ASB4: variants seen among roughly 807,000 people sequenced by gnomAD.
ASB4 encodes the protein ankyrin repeat and SOCS box containing 4, also known as ankyrin repeat and SOCS box protein 4.
In ASB4, 35 loss-of-function variants were observed where a neutral mutation model predicts 38.6. The observed-to-expected ratio is 0.91, with a 90% CI of 0.69 to 1.20. The LOEUF (loss-of-function observed/expected upper bound fraction) is 1.20. ASB4 is among the 50% of genes most tolerant of loss of function. The probability of loss-of-function intolerance (pLI) is 0.00; values close to 1 mark genes in which losing one functional copy is unlikely to be tolerated. For synonymous variants in ASB4, 195 were observed against 201.3 expected (o/e 0.97, Z 0.26); for missense variants, 557 against 527.2 (o/e 1.06, Z -0.55).
chr7:95,503,706 G>A (rs1185085049), intron 2 of ASB4, among the ~76,000 whole-genome samples: 3 of 152,186 alleles, frequency 2.0e-5, no homozygotes, highest in Admixed American at 6.5e-5. Flanking sequence ...AGGAAAATAC[G>A]TCAGGCTAAC....
intron 1 of ASB4, among the ~76,000 whole-genome samples, chr7:95,494,114 T>C (rs1197550033): frequency 6.6e-6 from 1 of 152,196 alleles, no homozygotes; most frequent in African/African-American, 2.4e-5. Context: ...GTGTTTATGC[T>C]TATAGGATAA....
downstream of ASB4, among the ~76,000 whole-genome samples, chr7:95,541,496 G>A (rs1790970282): frequency 6.6e-6 from 1 of 152,150 alleles, no homozygotes; most frequent in Admixed American, 6.5e-5. Context: ...AGCTTGTACT[G>A]TGTCAGGACT....
Position 95,519,817 on chromosome 7 carries a change from T to A in ASB4, c.488-7996T>A, listed in dbSNP as rs1790635294. 2.0e-5 allele frequency among the ~76,000 whole-genome samples: 3 copies of A among 152,054 alleles called. No homozygotes were observed. The South Asian group carries it at 6.2e-4, about 32-fold the overall frequency. On this transcript the variant is annotated intron_variant, in intron 2 of 4. Transcript: ENST00000325885. ...TGTTTTAAGTCATGCATTTGAGGACTGGAGTTAAAAATTTTGAGAGGGGAT... is the reference window on the plus strand; with the variant it reads ...TGTTTTAAGTCATGCATTTGAGGACAGGAGTTAAAAATTTTGAGAGGGGAT...
intron 3 of ASB4, among the ~76,000 whole-genome samples, chr7:95,530,857 A>G (rs1193806132): frequency 1.3e-5 from 2 of 152,168 alleles, no homozygotes; most frequent in Non-Finnish European, 2.9e-5. Context: ...CAAATTTGCA[A>G]TAATTTAGAT....
At chr7:95,503,033 T>C (rs1281276579) in intron 2 of ASB4, among the ~76,000 whole-genome samples, 1 of 152,218 alleles carries the variant, frequency 6.6e-6, no homozygotes, top group African/African-American at 2.4e-5. Flanking sequence ...TGGGACAGTA[T>C]GGACTGTATA....
chr7:95,551,041 T>G, the ASB4 span, among the ~76,000 whole-genome samples: 1 of 152,178 alleles, frequency 6.6e-6, no homozygotes, highest in African/African-American at 2.4e-5. Context: ...AGTGCAATGG[T>G]GTGATCTTGG....
chr7:95,486,116 G>A lies in ASB4; in HGVS notation c.145G>A (p.Glu49Lys). The A allele has an allele frequency of 6.2e-7, 1 of 1,614,120 alleles. No individual in the cohort carries two copies. The highest frequency in any genetic ancestry group is 8.5e-7 in the Non-Finnish European group (1 of 1,179,988). The stretch of plus-strand genomic sequence containing the variant: ...GCAAATAGATGTGGACACTGTTTTT[G>A]AAGTCGAAGATGAGAATATGGTTTT... The part of the protein sequence containing the change: ...QRQIDVDTVF[E>K]VEDENMVLAS... Residue 49 changes from glutamate to lysine, a missense_variant, in exon 1 of 5, where the codon GAA (glutamate) becomes AAA (lysine). Transcript: ENST00000325885.
At chr7:95,504,637 A>G (rs1429635711) in intron 2 of ASB4, among the ~76,000 whole-genome samples, 1 of 152,202 alleles carries the variant, frequency 6.6e-6, no homozygotes, top group Non-Finnish European at 1.5e-5. Context: ...ATTACTTATG[A>G]AATTCAATTT....
chr7:95,502,394 G>T (rs1050599955), intron 2 of ASB4, among the ~76,000 whole-genome samples: 4 of 151,312 alleles, frequency 2.6e-5, no homozygotes, highest in East Asian at 3.9e-4. Flanking sequence ...CAGCCTGCGG[G>T]GGGGGGGCAA....
At chr7:95,479,045 T>C (rs1161648939) in intron 1 of ASB4, among the ~76,000 whole-genome samples, 2 of 152,038 alleles carry the variant, frequency 1.3e-5, no homozygotes, top group African/African-American at 4.8e-5. Context: ...CCTTGCAAAA[T>C]GGTATTAATC....
the ASB4 span, among the ~76,000 whole-genome samples, chr7:95,471,201 A>G: frequency 1.3e-5 from 2 of 152,172 alleles, no homozygotes; most frequent in African/African-American, 4.8e-5. Flanking sequence ...TGCATTCTAC[A>G]GGAAAAAAGA....
intron 1 of ASB4, among the ~76,000 whole-genome samples, chr7:95,494,894 T>C (rs934761855): frequency 6.6e-6 from 1 of 152,176 alleles, no homozygotes; most frequent in Non-Finnish European, 1.5e-5. Flanking sequence ...AAGATCTCAG[T>C]TCTAGGCACA....
At chr7:95,550,879 C>T in the ASB4 span, among the ~76,000 whole-genome samples, 69 of 152,260 alleles carry the variant, frequency 4.5e-4, no homozygotes, top group African/African-American at 1.6e-3. Flanking sequence ...CTTTCCAACC[C>T]CTTCCCCAAA....
At chr7:95,486,180 T>C (rs1252813406) in intron 1 of ASB4, 22 bp downstream of exon 1, 1 of 1,579,148 alleles carries the variant, frequency 6.3e-7, no homozygotes, top group Non-Finnish European at 8.7e-7. Context: ...TAGGTGTTAT[T>C]GTAGAACTGT....
At chr7:95,485,134 ACAT>A (rs1790071181), upstream of ASB4, among the ~76,000 whole-genome samples, 1 of 151,936 alleles carries the variant, frequency 6.6e-6, no homozygotes, top group Non-Finnish European at 1.5e-5. Flanking sequence ...GAAGTTTTAG[ACAT>A]CATGACAATT....
intron 3 of ASB4, among the ~76,000 whole-genome samples, chr7:95,530,105 C>CAAAAAAAAAAAA (rs60923712): frequency 1.0e-5 from 1 of 99,686 alleles, no homozygotes; most frequent in Non-Finnish European, 2.0e-5. Context: ...AAAAGCAGGG[C>CAAAAAAAAAAAA]AAAAAAAAAA....
downstream of ASB4, chr7:95,544,028 T>G (rs996059948): frequency 6.6e-6 from 1 of 152,070 alleles, no homozygotes; most frequent in Non-Finnish European, 1.5e-5. Flanking sequence ...TTCTGATCCT[T>G]TAGATCTGAA....
At chr7:95,533,785 G>A (rs1453398870) in intron 3 of ASB4, among the ~76,000 whole-genome samples, 1 of 152,154 alleles carries the variant, frequency 6.6e-6, no homozygotes, top group Non-Finnish European at 1.5e-5. Context: ...ATTGTTCAAC[G>A]GCTGAGCAAG....
intron 2 of ASB4, among the ~76,000 whole-genome samples, chr7:95,525,270 TG>T (rs1186639774): frequency 9.2e-5 from 14 of 152,344 alleles, no homozygotes; most frequent in African/African-American, 3.4e-4. Flanking sequence ...AAATTTCAGT[TG>T]TTTTAAGCTA....
Sources: allele counts gnomAD v4.1 joint callset (sites outside exome capture counted in the v4.1 genomes callset), GRCh38; gene constraint gnomAD v4.1.1; transcripts MANE v1.5; gene names NCBI Gene and HGNC (gene_info 2026-07-23, HGNC 2026-07-21).